The following AGBL3 variants were observed in gnomAD, a reference collection of about 807,000 sequenced individuals.
AGBL3 encodes the protein AGBL carboxypeptidase 3.
Under a neutral mutation model 94.5 loss-of-function variants are expected in AGBL3, and 68 were observed. The ratio of observed to expected loss-of-function variants is 0.72; its 90% confidence interval spans 0.59 to 0.88. The LOEUF (loss-of-function observed/expected upper bound fraction) is 0.88. AGBL3 is among the 40% of genes least tolerant of loss of function. The probability of loss-of-function intolerance (pLI) is 0.00; values close to 1 mark genes in which losing one functional copy is unlikely to be tolerated. For synonymous variants in AGBL3, 354 were observed against 370.7 expected, an observed-to-expected ratio of 0.95 and a Z score of 0.52; for missense variants, 934 against 1,103.8, an observed-to-expected ratio of 0.85 and a Z score of 2.18.
At chr7:135,021,453 G>A (rs1254655127) in intron 5 of AGBL3, among the ~76,000 whole-genome samples, 2 of 151,656 alleles carry the variant, frequency 1.3e-5, no homozygotes, top group Non-Finnish European at 2.9e-5. Flanking sequence ...CACCACGCCT[G>A]GCTAATTTTT....
chr7:135,081,806 A>G lies in AGBL3; in HGVS notation c.2110+16A>G. On this transcript the variant is annotated intron_variant, in intron 15 of 16. Coordinates refer to ENST00000436302, the MANE Select transcript of AGBL3 (RefSeq NM_178563.4). ...CAAGGTTTGGGTGAGTAAAATAGGAACACAGACAGTAATGAGTGGTCCCCT... is the reference window on the plus strand; with the variant it reads ...CAAGGTTTGGGTGAGTAAAATAGGAGCACAGACAGTAATGAGTGGTCCCCT... The G allele has an allele frequency of 6.7e-7, 1 of 1,490,670 alleles. No homozygotes were observed. The highest frequency in any genetic ancestry group is 1.3e-5 in the South Asian group (1 of 79,546). 92.3% of individuals were successfully genotyped at this position (1,490,670 alleles called of 1,614,324 possible).
intron 12 of AGBL3, among the ~76,000 whole-genome samples, chr7:135,070,736 A>C (rs1419877509): frequency 2.0e-5 from 3 of 152,060 alleles, no homozygotes; most frequent in Non-Finnish European, 4.4e-5. Context: ...CAAAATAATA[A>C]GAGCTATCTA....
intron 15 of AGBL3, among the ~76,000 whole-genome samples, chr7:135,112,318 A>G (rs978574697): frequency 6.6e-6 from 1 of 152,184 alleles, no homozygotes; most frequent in Non-Finnish European, 1.5e-5. Context: ...AAAATCTTCA[A>G]TGTCCCCCTG....
At chr7:135,083,884 C>T (rs1821116922) in intron 15 of AGBL3, among the ~76,000 whole-genome samples, 2 of 152,150 alleles carry the variant, frequency 1.3e-5, no homozygotes, top group African/African-American at 4.8e-5. Flanking sequence ...TCTTTGATGT[C>T]ACCCCATAAT....
chr7:135,091,822 A>G (rs1821895277), intron 15 of AGBL3, among the ~76,000 whole-genome samples: 2 of 152,178 alleles, frequency 1.3e-5, no homozygotes, highest in African/African-American at 4.8e-5. Context: ...GCTACTCATC[A>G]TTTAAGGCAT....
chr7:135,135,076 G>A lies in AGBL3; in HGVS notation c.2578G>A (p.Glu860Lys). 4 of 1,551,232 alleles carry A rather than the reference G, an allele frequency of 2.6e-6. No homozygotes were observed. Among genetic ancestry groups the A allele is most frequent in the Non-Finnish European group, 3.5e-6 (4 of 1,146,678 alleles). ...EDIKPLSSKW[E>K]TASSSFGMDA... is the part of the protein sequence containing the mutation. ...CATAAAACCTCTCAGCAGCAAGTGG[G>A]AGACTGCTTCTTCAAGCTTTGGAAT... The change falls in exon 17 of 17, where the codon GAG (glutamate) becomes AAG (lysine). Residue 860 changes from glutamate (E) to lysine (K), a missense_variant. Physicochemically the swap from Glu to Lys is moderately conservative, Grantham distance 56 (BLOSUM62 1). This residue lies in a region of AGBL3 where 441 missense variants were observed against 518.2 expected (regional missense o/e 0.85). Coordinates refer to ENST00000436302, the MANE Select transcript of AGBL3 (RefSeq NM_178563.4).
At chr7:135,058,193 G>A (rs1248472629) in intron 11 of AGBL3, among the ~76,000 whole-genome samples, 1 of 152,102 alleles carries the variant, frequency 6.6e-6, no homozygotes, top group Admixed American at 6.5e-5. Flanking sequence ...TGCAGGGAAT[G>A]GGGGCATGTG....
chr7:135,052,065 A>T (rs1817924327), intron 11 of AGBL3, among the ~76,000 whole-genome samples: 1 of 152,152 alleles, frequency 6.6e-6, no homozygotes, highest in South Asian at 2.1e-4. Context: ...AACAGGGAAC[A>T]TTCAAAAAAG....
At chr7:135,021,481 A>AT (rs1814455662) in intron 5 of AGBL3, among the ~76,000 whole-genome samples, 1 of 151,200 alleles carries the variant, frequency 6.6e-6, no homozygotes, top group Non-Finnish European at 1.5e-5. Context: ...TTTAGTAGAG[A>AT]CGGGGTTTCA....
chr7:135,067,749 C>A (rs1021910000), intron 12 of AGBL3, among the ~76,000 whole-genome samples: 2 of 152,164 alleles, frequency 1.3e-5, no homozygotes, highest in African/African-American at 4.8e-5. Flanking sequence ...TCATCACCAT[C>A]ATCAAAGACC....
chr7:135,013,492 T>C (rs1208406159), intron 4 of AGBL3, among the ~76,000 whole-genome samples: 1 of 152,176 alleles, frequency 6.6e-6, no homozygotes, highest in Non-Finnish European at 1.5e-5. Context: ...TGTTAAAAAA[T>C]GATAAAGATC....
intron 4 of AGBL3, among the ~76,000 whole-genome samples, chr7:135,013,486 A>T (rs866707335): frequency 1.3e-5 from 2 of 152,222 alleles, no homozygotes; most frequent in African/African-American, 4.8e-5. Flanking sequence ...TACAGATGTT[A>T]AAAAATGATA....
intron 15 of AGBL3, chr7:135,094,256 T>C (rs1269934581): frequency 7.7e-6 from 3 of 391,976 alleles, no homozygotes; most frequent in Non-Finnish European, 1.5e-5. Flanking sequence ...ACAAAAAAGC[T>C]GAACAAACTA....
chr7:135,061,453 AAAT>A (rs1818832376), intron 12 of AGBL3, among the ~76,000 whole-genome samples: 1 of 152,124 alleles, frequency 6.6e-6, no homozygotes. Context: ...ATATCCAAAA[AAAT>A]GATTGCCCAG....
intron 12 of AGBL3, among the ~76,000 whole-genome samples, chr7:135,074,002 A>G (rs1479705206): frequency 6.6e-6 from 1 of 151,698 alleles, no homozygotes; most frequent in Non-Finnish European, 1.5e-5. Context: ...CTAATGTACA[A>G]TGTGGTGACT....
intron 4 of AGBL3, chr7:135,010,187 C>T (rs1812949699): frequency 3.0e-6 from 1 of 335,528 alleles, no homozygotes; most frequent in Non-Finnish European, 5.7e-6. Context: ...TGCCACCACG[C>T]TCAGCTAATT....
intron 4 of AGBL3, among the ~76,000 whole-genome samples, chr7:134,997,954 G>T (rs1433602803): frequency 1.3e-5 from 2 of 152,088 alleles, no homozygotes; most frequent in Non-Finnish European, 2.9e-5. Flanking sequence ...TAAATATTCA[G>T]CATAGAAATT....
rs112672348 is a variant in AGBL3 at position 135,024,312 on chromosome 7, G to A, written c.418+7153G>A. ...CAATACAAAAGAGCCCTATGGCTAA[G>A]AGCTTCTCTGCTGGCCATTACTCTC... On this transcript the variant is annotated intron_variant, in intron 5 of 16. Transcript: ENST00000436302. 1.3e-3 allele frequency among the ~76,000 whole-genome samples: 192 copies of A among 152,318 alleles called. 3 individuals are homozygous for A. The highest frequency in any genetic ancestry group is 4.6e-3 in the African/African-American group (190 of 41,562).
At chr7:135,116,429 TA>T (rs1826321336) in intron 16 of AGBL3, among the ~76,000 whole-genome samples, 1 of 152,168 alleles carries the variant, frequency 6.6e-6, no homozygotes. Flanking sequence ...AATACTTTCA[TA>T]AGAAAATGGG....
Sources: gnomAD v4.1 joint callset for allele counts (sites outside exome capture counted in the v4.1 genomes callset) on GRCh38, gnomAD v4.1.1 for gene constraint, gnomAD v4.1.1 regional missense constraint, MANE v1.5 for transcripts, NCBI Gene and HGNC (gene_info 2026-07-23, HGNC 2026-07-21) for gene names.